The following GRIK4 variants were observed in gnomAD, a reference collection of about 807,000 sequenced individuals.
GRIK4 encodes the protein glutamate receptor ionotropic, kainate 4.
A neutral mutation model predicts 104.9 loss-of-function variants in GRIK4; 40 were observed. That is an observed-to-expected ratio of 0.38 (90% confidence interval 0.30 to 0.50). The LOEUF is 0.50. GRIK4 is among the 20% of genes least tolerant of loss of function. The pLI is 0.93. For missense variants in GRIK4, 1,047 were observed against 1,308.1 expected, an observed-to-expected ratio of 0.80 and a Z score of 3.08; for synonymous variants, 485 against 524.9, an observed-to-expected ratio of 0.92 and a Z score of 1.04.
Position 120,723,596 on chromosome 11 carries a change from G to A in GRIK4, c.82+63196G>A, listed in dbSNP as rs572566555. On this transcript the variant is annotated intron_variant, in intron 3 of 20. Coordinates refer to ENST00000527524, the MANE Select transcript of GRIK4 (RefSeq NM_014619.5). ...GATGTACCCAGATGGTAGATTCCAG[G>A]CCTTGGAACCAGACCTTCAGCCCAA... Among the ~76,000 whole-genome samples, 74 of 152,316 alleles carry A rather than the reference G, an allele frequency of 4.9e-4. 1 individual carries two copies. The highest frequency in any genetic ancestry group is 4.8e-3 in the Admixed American group (73 of 15,306).
At chr11:120,974,176 G>A (rs553922068) in intron 19 of GRIK4, among the ~76,000 whole-genome samples, 5 of 152,320 alleles carry the variant, frequency 3.3e-5, no homozygotes, top group Admixed American at 6.5e-5. Flanking sequence ...CCAAAGTGCC[G>A]GGATTACAGG....
intron 13 of GRIK4, among the ~76,000 whole-genome samples, chr11:120,912,214 T>C (rs1943015039): frequency 6.6e-6 from 1 of 152,014 alleles, no homozygotes; most frequent in Non-Finnish European, 1.5e-5. Flanking sequence ...AGCAATGAGG[T>C]AGAAAAACAG....
chr11:120,655,615 T>C (rs1254303709), intron 2 of GRIK4, among the ~76,000 whole-genome samples: 2 of 152,114 alleles, frequency 1.3e-5, no homozygotes, highest in Non-Finnish European at 2.9e-5. Flanking sequence ...CCAATGAAGA[T>C]GGTATTGCAG....
At chr11:120,701,236 C>T (rs555227048) in intron 3 of GRIK4, among the ~76,000 whole-genome samples, 11 of 152,264 alleles carry the variant, frequency 7.2e-5, no homozygotes, top group African/African-American at 2.6e-4. Context: ...CTTCCTATAT[C>T]TCTGCTATTT....
chr11:120,879,678 A>G (rs1255831633), intron 11 of GRIK4, among the ~76,000 whole-genome samples: 1 of 152,210 alleles, frequency 6.6e-6, no homozygotes, highest in African/African-American at 2.4e-5. Context: ...GTGCCCTGTC[A>G]GTGACATTTC....
intron 19 of GRIK4, among the ~76,000 whole-genome samples, chr11:120,972,295 A>G (rs1237489358): frequency 1.3e-5 from 2 of 152,176 alleles, no homozygotes; most frequent in Non-Finnish European, 2.9e-5. Flanking sequence ...GGTGGGATGG[A>G]ATTCTGAGCT....
At chr11:120,731,855 G>A (rs936987263) in intron 3 of GRIK4, among the ~76,000 whole-genome samples, 3 of 152,068 alleles carry the variant, frequency 2.0e-5, no homozygotes, top group African/African-American at 7.2e-5. Context: ...GTTGCTTATA[G>A]TAGCCACTAA....
At chr11:120,909,839 AT>A (rs1301402222) in intron 13 of GRIK4, among the ~76,000 whole-genome samples, 1 of 152,122 alleles carries the variant, frequency 6.6e-6, no homozygotes, top group African/African-American at 2.4e-5. Flanking sequence ...GTCTTTTCAC[AT>A]TTGTTATCAC....
intron 1 of GRIK4, among the ~76,000 whole-genome samples, chr11:120,544,129 C>T (rs2266101): frequency 0.28 from 42,180 of 152,104 alleles, 6,054 homozygotes; most frequent in Admixed American, 0.41. Flanking sequence ...TGATAGTAAG[C>T]GTTCTTACCA....
intron 19 of GRIK4, among the ~76,000 whole-genome samples, chr11:120,969,293 G>T (rs1254481566): frequency 6.6e-6 from 1 of 152,150 alleles, no homozygotes; most frequent in Non-Finnish European, 1.5e-5. Flanking sequence ...GCAGAAAAAA[G>T]TGTCAAGGCA....
chr11:120,820,223 A>G (rs889215108), intron 6 of GRIK4, among the ~76,000 whole-genome samples: 5 of 152,026 alleles, frequency 3.3e-5, no homozygotes, highest in African/African-American at 9.7e-5. Context: ...AACAGAGGGG[A>G]ACTAGGTTAC....
At chr11:120,658,874 G>A (rs1949764397) in intron 2 of GRIK4, among the ~76,000 whole-genome samples, 1 of 150,462 alleles carries the variant, frequency 6.6e-6, no homozygotes, top group African/African-American at 2.4e-5. Context: ...TCAGCCTCCC[G>A]AGCAGCTGGG....
At chr11:120,721,766 C>A (rs1671837277) in intron 3 of GRIK4, among the ~76,000 whole-genome samples, 1 of 152,082 alleles carries the variant, frequency 6.6e-6, no homozygotes, top group Admixed American at 6.5e-5. Flanking sequence ...CAGAAAATGC[C>A]CTTGTGTACC....
chr11:120,900,689 T>C (rs1942709325), intron 12 of GRIK4, among the ~76,000 whole-genome samples: 1 of 151,790 alleles, frequency 6.6e-6, no homozygotes, highest in African/African-American at 2.4e-5. Flanking sequence ...AGCAGAGACC[T>C]GGTGGAGGTG....
intron 3 of GRIK4, among the ~76,000 whole-genome samples, chr11:120,665,081 C>G (rs1295204468): frequency 2.0e-5 from 3 of 152,062 alleles, no homozygotes; most frequent in South Asian, 2.1e-4. Flanking sequence ...CAACATAGAA[C>G]ATTGAAATGT....
rs537835045 is a variant in GRIK4 at position 120,986,169 on chromosome 11, G to A, written c.2780G>A (p.Arg927His). ...THIRVCPECR[R>H]FQGLRARPSP... ...ATCCGCGTCTGCCCCGAGTGCCGCCGCTTCCAGGGCCTGCGGGCACGGCCG... is the reference window on the plus strand; with the variant it reads ...ATCCGCGTCTGCCCCGAGTGCCGCCACTTCCAGGGCCTGCGGGCACGGCCG... Residue 927 changes from arginine (R) to histidine (H), a missense_variant, in exon 21 of 21, where the codon CGC becomes CAC. By Grantham distance (29) the Arg-to-His change is conservative. Coordinates refer to ENST00000527524, the MANE Select transcript of GRIK4 (RefSeq NM_014619.5). The A allele has an allele frequency of 1.4e-5, 22 of 1,553,020 alleles. No homozygotes were observed. In the East Asian group the frequency reaches 4.2e-4, roughly 30 times the overall value.
At chr11:120,564,758 G>C (rs1000624745) in intron 1 of GRIK4, 7 of 152,358 alleles carry the variant, frequency 4.6e-5, no homozygotes, top group Middle Eastern at 3.2e-3. Flanking sequence ...AGCGCGCGGA[G>C]GTGGCTGCTG....
chr11:120,610,861 C>G (rs370329079), intron 1 of GRIK4, among the ~76,000 whole-genome samples: 1 of 152,124 alleles, frequency 6.6e-6, no homozygotes, highest in East Asian at 1.9e-4. Context: ...GAGTCACAAG[C>G]CTGGGTGCAA....
chr11:120,792,387 T>A (rs778805786), intron 3 of GRIK4, among the ~76,000 whole-genome samples: 81 of 151,706 alleles, frequency 5.3e-4, no homozygotes, highest in Non-Finnish European at 1.8e-4. Flanking sequence ...GAATTCCATT[T>A]ATTTTGAGGA....
Sources: allele counts gnomAD v4.1 joint callset (sites outside exome capture counted in the v4.1 genomes callset), GRCh38; gene constraint gnomAD v4.1.1; transcripts MANE v1.5; gene names NCBI Gene and HGNC (gene_info 2026-07-23, HGNC 2026-07-21).